PDGFA: variants seen among roughly 807,000 people sequenced by gnomAD.
PDGFA encodes the protein platelet derived growth factor subunit A.
PDGFA carries 9 observed loss-of-function variants against 25.6 expected under a neutral mutation model. The observed-to-expected ratio is 0.35, with a 90% confidence interval of 0.21 to 0.61. The LOEUF (loss-of-function observed/expected upper bound fraction) is 0.61. Ranked by LOEUF, PDGFA falls within the 20% of genes least tolerant of loss-of-function variation. PDGFA has a pLI of 0.75. For missense variants in PDGFA, 242 were observed against 272.8 expected (o/e 0.89, Z 0.79); for synonymous variants, 133 against 111.8 (o/e 1.19, Z -1.20).
In PDGFA at chr7:517,323, G is replaced by T; in HGVS notation, c.160+71C>A. The T allele has an allele frequency of 1.7e-6, 1 of 593,736 alleles. No individual in the cohort carries two copies. Among genetic ancestry groups the T allele is most frequent in the Non-Finnish European group, 2.4e-6 (1 of 412,234 alleles). 36.8% of individuals were successfully genotyped at this position (593,736 alleles called of 1,614,324 possible). On this transcript the variant is annotated intron_variant, in intron 2 of 5. Transcript: ENST00000402802. The surrounding 1 kb of genome is among the most constrained non-coding windows in gnomAD (Gnocchi z 7.4). Reference sequence around the variant, plus strand: ...GCGCTCCTGCGCGGCGCCCCGCCCGGCCCCAGCTCGGGGCGCACAGGCCGC... The same window carrying T: ...GCGCTCCTGCGCGGCGCCCCGCCCGTCCCCAGCTCGGGGCGCACAGGCCGC...
exon 4 of PDGFA, chr7:510,908 C>A: frequency 6.2e-7 from 1 of 1,612,652 alleles, no homozygotes; most frequent in Non-Finnish European, 8.5e-7. Context: ...GGGGCCAGAT[C>A]AGGAAGTTGG....
At chr7:499,989 C>G (rs1471593338) in intron 5 of PDGFA, among the ~76,000 whole-genome samples, 1 of 152,140 alleles carries the variant, frequency 6.6e-6, no homozygotes, top group African/African-American at 2.4e-5. Flanking sequence ...GCCAACAGCC[C>G]TGCACGTTTA....
At chr7:504,938 A>G (rs1160483883) in intron 4 of PDGFA, among the ~76,000 whole-genome samples, 2 of 152,180 alleles carry the variant, frequency 1.3e-5, no homozygotes, top group African/African-American at 4.8e-5. Context: ...CCCTCTGGGC[A>G]CCGTGCGAAA....
chr7:509,984 G>GC (rs534681897), intron 4 of PDGFA, among the ~76,000 whole-genome samples: 47 of 152,194 alleles, frequency 3.1e-4, no homozygotes, highest in African/African-American at 1.1e-3. Flanking sequence ...GGGGAAGCCG[G>GC]GGGGGCCCTC....
intron 4 of PDGFA, among the ~76,000 whole-genome samples, 170 bp from the exon 5 acceptor site, chr7:501,412 C>T (rs1275057629): frequency 6.6e-6 from 1 of 152,140 alleles, no homozygotes; most frequent in African/African-American, 2.4e-5. Flanking sequence ...AGGTGAAAAA[C>T]CTACAAGCTG....
At chr7:503,583 CTG>C (rs1416268496) in intron 4 of PDGFA, among the ~76,000 whole-genome samples, 1 of 152,178 alleles carries the variant, frequency 6.6e-6, no homozygotes, top group East Asian at 1.9e-4. Flanking sequence ...ACTCCAGACT[CTG>C]GAGACTGGGC....
At chr7:520,247 C>G (rs1299777204), upstream of PDGFA, 2 of 203,720 alleles carry the variant, frequency 9.8e-6, no homozygotes, top group Admixed American at 6.5e-5. Flanking sequence ...GCTGCTGCGC[C>G]AAAAAGGGCC....
At chr7:512,742 G>A in intron 2 of PDGFA, 1 of 1,154,876 alleles carries the variant, frequency 8.7e-7, no homozygotes, top group South Asian at 1.6e-5. Context: ...GGGCCCTTCG[G>A]GGAAGAGGTT....
chr7:504,378 T>G (rs1426936298), intron 4 of PDGFA, among the ~76,000 whole-genome samples: 2 of 151,740 alleles, frequency 1.3e-5, no homozygotes, highest in Admixed American at 6.6e-5. Context: ...CCCCCAGCCC[T>G]GCAAGCATGT....
At chr7:520,076 C>CGG, upstream of PDGFA, 1 of 396,944 alleles carries the variant, frequency 2.5e-6, no homozygotes, top group South Asian at 1.7e-5. Flanking sequence ...GCGCCCGGCT[C>CGG]CGCGCCGGGG....
At chr7:507,108 T>C (rs1782593501) in intron 4 of PDGFA, among the ~76,000 whole-genome samples, 1 of 152,240 alleles carries the variant, frequency 6.6e-6, no homozygotes, top group South Asian at 2.1e-4. Context: ...GTCTCTTGGC[T>C]GAGCCTCCAA....
Position 517,155 on chromosome 7 carries a change from G to A in PDGFA, c.160+239C>T, listed in dbSNP as rs1562494135. Among the ~76,000 whole-genome samples, 3 of 151,732 alleles carry A rather than the reference G, an allele frequency of 2.0e-5. No homozygotes were observed. Among genetic ancestry groups the A allele is most frequent in the Admixed American group, 2.0e-4 (3 of 15,240 alleles). ...CTGAACTTTGTGTGACACACGCGGCGTTTTCCTTAAAGGCGAAAACAATCC... is the reference window on the plus strand; with the variant it reads ...CTGAACTTTGTGTGACACACGCGGCATTTTCCTTAAAGGCGAAAACAATCC... On this transcript the variant is annotated intron_variant, in intron 2 of 5. Transcript: ENST00000402802. The surrounding 1 kb of genome is among the most constrained non-coding windows in gnomAD (Gnocchi z 7.4).
Position 502,611 on chromosome 7 carries a change from T to C in PDGFA, c.454-1369A>G, listed in dbSNP as rs145681187. Among the ~76,000 whole-genome samples the C allele has an allele frequency of 5.2e-3, 787 of 152,314 alleles. 6 individuals carry two copies. The highest frequency in any genetic ancestry group is 0.018 in the African/African-American group (744 of 41,562). On this transcript the variant is annotated intron_variant, in intron 4 of 5. Transcript: ENST00000402802. ...TCCCCTCTTCGGACTGGACTTTGCCTGTCTGCGAGCCACGCCTGCCCTCAA... is the reference window on the plus strand; with the variant it reads ...TCCCCTCTTCGGACTGGACTTTGCCCGTCTGCGAGCCACGCCTGCCCTCAA...
At chr7:498,236 G>A (rs545317036) in exon 6 of PDGFA, 4 of 361,972 alleles carry the variant, frequency 1.1e-5, no homozygotes, top group South Asian at 7.1e-5. Flanking sequence ...TCCATCCCAC[G>A]GGGCGACCCT....
At chr7:512,034 G>A (rs1015679966) in intron 3 of PDGFA, among the ~76,000 whole-genome samples, 5 of 152,328 alleles carry the variant, frequency 3.3e-5, no homozygotes, top group South Asian at 4.1e-4. Context: ...GACAGGCCCC[G>A]ACAAGACAGG....
intron 2 of PDGFA, chr7:512,841 G>C (rs138313463): frequency 2.8e-6 from 1 of 354,112 alleles, no homozygotes; most frequent in East Asian, 7.4e-5. Flanking sequence ...GCCCAGCTCC[G>C]TGCACCTCCC....
chr7:498,314 C>G, exon 6 of PDGFA: 4 of 506,272 alleles, frequency 7.9e-6, no homozygotes, highest in Admixed American at 3.4e-5. Context: ...TTTGTTTTCT[C>G]TCTCTCTTTC....
intron 4 of PDGFA, among the ~76,000 whole-genome samples, chr7:502,193 G>A (rs13225457): frequency 0.32 from 48,160 of 151,932 alleles, 8,016 homozygotes; most frequent in Non-Finnish European, 0.36. Flanking sequence ...CTGCACTCCA[G>A]CCTGGGCAAT....
At position 508,352 on chromosome 7, in the gene PDGFA, G is replaced by A. The variant is rs190059741; in HGVS notation, c.453+2457C>T. Among the ~76,000 whole-genome samples the A allele has an allele frequency of 3.7e-3, 567 of 151,924 alleles. 3 individuals carry two copies. Among genetic ancestry groups the A allele is most frequent in the African/African-American group, 0.013 (530 of 41,410 alleles). ...GTCACCAAATCCTCAGCTGACTTGA[G>A]CCCAGGGGGTCCAGAGCAGGCTGGG... On this transcript the variant is annotated intron_variant, in intron 4 of 5. Coordinates refer to ENST00000402802, the Ensembl canonical transcript of PDGFA.
Sources: gnomAD v4.1 joint callset for allele counts (sites outside exome capture counted in the v4.1 genomes callset) on GRCh38, gnomAD v4.1.1 for gene constraint, Gnocchi (gnomAD v3.1) non-coding constraint, MANE v1.5 for transcripts, NCBI Gene and HGNC (gene_info 2026-07-23, HGNC 2026-07-21) for gene names.